The following IQCM variants were observed in gnomAD, a reference collection of about 807,000 sequenced individuals.
IQCM encodes the protein IQ motif containing M.
In IQCM, 45 loss-of-function variants were observed where a neutral mutation model predicts 57.6. The ratio of observed to expected loss-of-function variants is 0.78; its 90% confidence interval spans 0.62 to 1.00. IQCM has a LOEUF of 1.00. Ranked by LOEUF, IQCM falls within the 50% of genes least tolerant of loss-of-function variation. IQCM has a pLI of 0.00. For synonymous variants in IQCM, 148 were observed against 158.9 expected (o/e 0.93, Z 0.51); for missense variants, 468 against 511.6 (o/e 0.91, Z 0.82).
At position 149,618,609 on chromosome 4, in the gene IQCM, G is replaced by T. The variant is rs539630416; in HGVS notation, c.681+2520C>A. Among the ~76,000 whole-genome samples the T allele has an allele frequency of 5.3e-5, 8 of 151,900 alleles. No individual in the cohort carries two copies. The South Asian group carries it at 1.5e-3, about 28-fold the overall frequency. On this transcript the variant is annotated intron_variant, in intron 8 of 13. Transcript: ENST00000636793. ...CTTACAAACATGCATCTGGCAAAAGGTTAATATCCAGAATCTATTAGAAAT... is the reference window on the plus strand; with the variant it reads ...CTTACAAACATGCATCTGGCAAAAGTTTAATATCCAGAATCTATTAGAAAT...
chr4:149,558,550 G>T (rs1167539674), intron 10 of IQCM, among the ~76,000 whole-genome samples: 5 of 152,140 alleles, frequency 3.3e-5, no homozygotes, highest in Non-Finnish European at 2.9e-5. Flanking sequence ...ACAAATATAT[G>T]TTAGGTGGTA....
chr4:149,520,798 G>T lies in IQCM; in HGVS notation c.1228+27657C>A, dbSNP rs542550598. Among the ~76,000 whole-genome samples the T allele has an allele frequency of 4.9e-4, 74 of 152,122 alleles. 1 individual carries two copies. The South Asian group carries it at 0.015, about 32-fold the overall frequency. On this transcript the variant is annotated intron_variant, in intron 12 of 13. Transcript: ENST00000636793. ...CCCAGTTATGTTAGAGTCTCCAGAA[G>T]ATATACCACATACCTGTAGACAAAA...
At chr4:149,785,000 A>C (rs1436204127) in intron 2 of IQCM, among the ~76,000 whole-genome samples, 2 of 152,228 alleles carry the variant, frequency 1.3e-5, no homozygotes, top group Non-Finnish European at 2.9e-5. Context: ...AAGAAATTAG[A>C]GGGAAGTTAA....
At chr4:149,395,357 CTG>C (rs1201366120) in intron 13 of IQCM, among the ~76,000 whole-genome samples, 1 of 151,980 alleles carries the variant, frequency 6.6e-6, no homozygotes, top group Non-Finnish European at 1.5e-5. Flanking sequence ...ACAGTAATAA[CTG>C]TTTCTATTAC....
At chr4:149,751,909 C>T (rs1768485451) in intron 2 of IQCM, among the ~76,000 whole-genome samples, 1 of 152,036 alleles carries the variant, frequency 6.6e-6, no homozygotes, top group African/African-American at 2.4e-5. Flanking sequence ...TATTCGTCAA[C>T]ATCATCAAAG....
chr4:149,585,131 C>T (rs1055369101), intron 9 of IQCM, among the ~76,000 whole-genome samples: 22 of 151,664 alleles, frequency 1.5e-4, no homozygotes, highest in Admixed American at 5.3e-4. Flanking sequence ...AAGAGACTCT[C>T]TTATATTTAC....
chr4:149,555,044 T>C (rs1051282117), intron 10 of IQCM, among the ~76,000 whole-genome samples: 5 of 152,144 alleles, frequency 3.3e-5, no homozygotes, highest in Non-Finnish European at 5.9e-5. Context: ...TATTTTCTGT[T>C]TATGTGAAAT....
chr4:149,768,111 T>A (rs1461033322), intron 2 of IQCM, among the ~76,000 whole-genome samples: 4 of 152,066 alleles, frequency 2.6e-5, no homozygotes, highest in African/African-American at 9.7e-5. Context: ...AAAATAATAA[T>A]TAAACTGGAG....
At chr4:149,606,511 T>A (rs1754797504) in intron 8 of IQCM, among the ~76,000 whole-genome samples, 1 of 151,982 alleles carries the variant, frequency 6.6e-6, no homozygotes. Context: ...TCAGTGAACA[T>A]CCACAAGCAT....
At chr4:149,628,221 G>C (rs1579763876) in intron 7 of IQCM, among the ~76,000 whole-genome samples, 1 of 152,010 alleles carries the variant, frequency 6.6e-6, no homozygotes, top group Non-Finnish European at 1.5e-5. Context: ...GCTAGACCCA[G>C]GGGAAAATTA....
chr4:149,412,437 T>C (rs985928395), intron 13 of IQCM, among the ~76,000 whole-genome samples: 5 of 152,210 alleles, frequency 3.3e-5, no homozygotes, highest in African/African-American at 1.2e-4. Context: ...CTTTGAGTCA[T>C]TGTGCACTGA....
intron 5 of IQCM, among the ~76,000 whole-genome samples, chr4:149,706,238 G>A (rs971679682): frequency 2.0e-5 from 3 of 151,868 alleles, no homozygotes; most frequent in African/African-American, 7.3e-5. Flanking sequence ...TAGAGCAGCT[G>A]ATAATTAATA....
In IQCM at chr4:149,792,223, C is replaced by T. The variant is rs989295898; in HGVS notation, c.-49+23088G>A. 1.1e-4 allele frequency among the ~76,000 whole-genome samples: 17 copies of T among 151,948 alleles called. No individual in the cohort carries two copies. In the East Asian group the frequency reaches 1.3e-3, roughly 12 times the overall value. ...GAGGGGAGCCCATATTTATATTCAACGAAAAGATTAACAGCATTTTAATTC... is the reference window on the plus strand; with the variant it reads ...GAGGGGAGCCCATATTTATATTCAATGAAAAGATTAACAGCATTTTAATTC... On this transcript the variant is annotated intron_variant, in intron 2 of 13. Transcript: ENST00000636793.
At chr4:149,445,322 C>T (rs1271866934) in intron 12 of IQCM, among the ~76,000 whole-genome samples, 1 of 151,786 alleles carries the variant, frequency 6.6e-6, no homozygotes, top group African/African-American at 2.4e-5. Flanking sequence ...GTTGTAACCA[C>T]ATTTAGATAT....
At chr4:149,488,487 G>A (rs890956813) in intron 12 of IQCM, among the ~76,000 whole-genome samples, 2 of 152,108 alleles carry the variant, frequency 1.3e-5, no homozygotes, top group Non-Finnish European at 2.9e-5. Context: ...AAATTTCTTT[G>A]TAGGTCAGAA....
chr4:149,554,850 C>T (rs1463301875), intron 10 of IQCM, among the ~76,000 whole-genome samples: 1 of 151,672 alleles, frequency 6.6e-6, no homozygotes, highest in Admixed American at 6.6e-5. Flanking sequence ...CAGGCGCCCC[C>T]CACCACGCCC....
intron 10 of IQCM, among the ~76,000 whole-genome samples, chr4:149,553,891 T>C (rs2149909724): frequency 6.6e-6 from 1 of 152,262 alleles, no homozygotes; most frequent in East Asian, 1.9e-4. Flanking sequence ...CCAGAACAAT[T>C]TTTTTATTAA....
intron 7 of IQCM, among the ~76,000 whole-genome samples, chr4:149,659,193 A>G (rs148175932): frequency 0.024 from 3,593 of 152,150 alleles, 71 homozygotes; most frequent in African/African-American, 0.051. Context: ...CCAATAACAG[A>G]CAAACAGAGA....
chr4:149,353,605 A>T (rs1468218402), intron 13 of IQCM, among the ~76,000 whole-genome samples: 1 of 152,188 alleles, frequency 6.6e-6, no homozygotes, highest in Non-Finnish European at 1.5e-5. Flanking sequence ...ATTCAGCCTT[A>T]AGAAGAAGGA....
Sources: allele counts gnomAD v4.1 joint callset (sites outside exome capture counted in the v4.1 genomes callset), GRCh38; gene constraint gnomAD v4.1.1; transcripts MANE v1.5; gene names NCBI Gene and HGNC (gene_info 2026-07-23, HGNC 2026-07-21).